CHSY1: variants seen among roughly 807,000 people sequenced by gnomAD.
CHSY1 encodes N-acetylgalactosaminyl-proteoglycan 3-beta-glucuronosyltransferase 1.
Under a neutral mutation model 59.8 loss-of-function variants are expected in CHSY1, and 13 were observed. The ratio of observed to expected loss-of-function variants is 0.22; its 90% CI spans 0.14 to 0.35. The LOEUF is 0.35. Ranked by LOEUF, CHSY1 falls within the 10% of genes least tolerant of loss-of-function variation. CHSY1 has a pLI of 1.00. For missense variants in CHSY1, 947 were observed against 1,030.6 expected, an observed-to-expected ratio of 0.92 and a Z score of 1.11; for synonymous variants, 459 against 401.2, an observed-to-expected ratio of 1.14 and a Z score of -1.72.
intron 1 of CHSY1, among the ~76,000 whole-genome samples, chr15:101,238,937 G>A (rs2038974384): frequency 6.6e-6 from 1 of 152,152 alleles, no homozygotes; most frequent in Non-Finnish European, 1.5e-5. Flanking sequence ...TTGCAAATGC[G>A]ACAATGTGTG....
chr15:101,177,955 C>T lies in CHSY1; in HGVS notation c.1842G>A (p.Leu614=). 6.2e-7 allele frequency: 1 copy of T among 1,614,170 alleles called. No homozygotes were observed. Among genetic ancestry groups the T allele is most frequent in the Non-Finnish European group, 8.5e-7 (1 of 1,180,024 alleles). The change falls in exon 3 of 3, where the codon CTG becomes CTA. Residue 614 remains leucine (L), a synonymous_variant. Coordinates refer to ENST00000254190, the MANE Select transcript of CHSY1 (RefSeq NM_014918.5). ...TGTTAAACTGGGAGGATCCTACTTC[C>T]AGGGCCAGGGCTCTTGAAAACTCTC... is the stretch of plus-strand genomic sequence containing the variant. The part of the protein sequence containing the change: ...VSGEFSRALA[L]EVGSSQFNNE...
chr15:101,212,087 G>A (rs193175432), intron 2 of CHSY1, among the ~76,000 whole-genome samples: 99 of 152,214 alleles, frequency 6.5e-4, no homozygotes, highest in African/African-American at 2.2e-3. Flanking sequence ...TAGGGAAAAC[G>A]CAAACTGAAA....
chr15:101,249,510 A>ATTTTTTTTTT (rs34753057), intron 1 of CHSY1, among the ~76,000 whole-genome samples: 18 of 113,042 alleles, frequency 1.6e-4, no homozygotes, highest in East Asian at 1.5e-3. Context: ...GATAGATAGA[A>ATTTTTTTTTT]TTTTTTTTTT....
rs1596459244 is a variant in CHSY1 at position 101,251,493 on chromosome 15, G to GCCGCCGCCGCCGCCGCCGC, written c.-38_-37insGCGGCGGCGGCGGCGGCGG. ...TCCGCCCGCCGGGCCGCCGCCGCAG[G>GCCGCCGCCGCCGCCGCCGC]CTCCGCGCGCCCTCAGCCCGCTGCC... On this transcript the variant is annotated 5_prime_UTR_variant, in exon 1 of 3. Coordinates refer to ENST00000254190, the MANE Select transcript of CHSY1 (RefSeq NM_014918.5). The GCCGCCGCCGCCGCCGCCGC allele has an allele frequency of 9.7e-4, 47 of 48,420 alleles. No individual in the cohort carries two copies. The highest frequency in any genetic ancestry group is 2.2e-3 in the African/African-American group (4 of 1,802). 3.0% of individuals were successfully genotyped at this position (48,420 alleles called of 1,614,324 possible). A position where few individuals can be genotyped will look rare whatever the true frequency, so the allele number is the denominator to read the frequency against.
chr15:101,216,376 G>C (rs1179197166), intron 2 of CHSY1, among the ~76,000 whole-genome samples: 1 of 152,176 alleles, frequency 6.6e-6, no homozygotes, highest in Non-Finnish European at 1.5e-5. Context: ...ATACAATCCA[G>C]CAGTCATACT....
intron 1 of CHSY1, among the ~76,000 whole-genome samples, chr15:101,243,460 A>G (rs1306809329): frequency 6.6e-6 from 1 of 152,198 alleles, no homozygotes; most frequent in African/African-American, 2.4e-5. Context: ...TTTGCAAATC[A>G]CCGTCTCCCT....
chr15:101,204,857 G>GT (rs1302177962), intron 2 of CHSY1, among the ~76,000 whole-genome samples: 5 of 152,238 alleles, frequency 3.3e-5, no homozygotes, highest in African/African-American at 9.6e-5. Context: ...GTGAGCCAAG[G>GT]TCACACCACA....
intron 2 of CHSY1, among the ~76,000 whole-genome samples, chr15:101,179,654 A>G (rs2038248669): frequency 6.6e-6 from 1 of 152,236 alleles, no homozygotes; most frequent in African/African-American, 2.4e-5. Context: ...CTGTGGAGGC[A>G]GGAGCGGGCC....
chr15:101,181,077 C>T (rs1334453669), intron 2 of CHSY1, among the ~76,000 whole-genome samples: 1 of 152,224 alleles, frequency 6.6e-6, no homozygotes, highest in Non-Finnish European at 1.5e-5. Flanking sequence ...GCTACGGTGC[C>T]TCAGAAGACG....
At chr15:101,214,111 TC>T (rs769831235) in intron 2 of CHSY1, among the ~76,000 whole-genome samples, 13 of 152,118 alleles carry the variant, frequency 8.5e-5, no homozygotes, top group Non-Finnish European at 1.8e-4. Flanking sequence ...TTGTGCAGAG[TC>T]CCCATTGCAC....
chr15:101,204,860 A>G (rs1596441038), intron 2 of CHSY1, among the ~76,000 whole-genome samples: 1 of 152,320 alleles, frequency 6.6e-6, no homozygotes, highest in African/African-American at 2.4e-5. Flanking sequence ...AGCCAAGGTC[A>G]CACCACAGCA....
chr15:101,213,268 T>C (rs1308454027), intron 2 of CHSY1, among the ~76,000 whole-genome samples: 2 of 148,196 alleles, frequency 1.3e-5, no homozygotes, highest in Middle Eastern at 3.4e-3. Flanking sequence ...GAGGACTTCA[T>C]TGTGCTACAG....
At chr15:101,211,665 T>C (rs183300731) in intron 2 of CHSY1, among the ~76,000 whole-genome samples, 1 of 152,174 alleles carries the variant, frequency 6.6e-6, no homozygotes, top group Admixed American at 6.5e-5. Context: ...CACATCATAA[T>C]AGGACTACTC....
intron 2 of CHSY1, among the ~76,000 whole-genome samples, chr15:101,183,733 G>T (rs1237547313): frequency 2.0e-5 from 3 of 152,210 alleles, no homozygotes; most frequent in African/African-American, 7.2e-5. Context: ...GGGAGGGTGT[G>T]GGTGCCCACT....
Position 101,251,479 on chromosome 15 carries a change from G to GGCCGCCGCCGCCTCCGCCGCC in CHSY1, c.-24_-23insGGCGGCGGAGGCGGCGGCGGC, listed in dbSNP as rs71154314. On this transcript the variant is annotated 5_prime_UTR_variant, in exon 1 of 3. Coordinates refer to ENST00000254190, the MANE Select transcript of CHSY1 (RefSeq NM_014918.5). ...CATGCCCGCGCCGCTCCGCCCGCCGGGCCGCCGCCGCAGGCTCCGCGCGCC... is the reference window on the plus strand; with the variant it reads ...CATGCCCGCGCCGCTCCGCCCGCCGGGCCGCCGCCGCCTCCGCCGCCGCCGCCGCCGCAGGCTCCGCGCGCC... 1 of 670,080 alleles carries GGCCGCCGCCGCCTCCGCCGCC rather than the reference G, an allele frequency of 1.5e-6. No individual in the cohort carries two copies. The highest frequency in any genetic ancestry group is 1.8e-6 in the Non-Finnish European group (1 of 546,640). The allele number at this position is 670,080 out of a possible 1,614,324, so 41.5% of individuals were successfully genotyped here. A position where few individuals can be genotyped will look rare whatever the true frequency, so the allele number is the denominator to read the frequency against.
intron 2 of CHSY1, among the ~76,000 whole-genome samples, chr15:101,185,183 G>T (rs1047231685): frequency 6.6e-6 from 1 of 152,206 alleles, no homozygotes; most frequent in African/African-American, 2.4e-5. Context: ...GAGATGGAGA[G>T]GCAGAAATCA....
At chr15:101,179,086 G>T in intron 2 of CHSY1, 106 bp from the exon 3 acceptor site, 1 of 1,100,920 alleles carries the variant, frequency 9.1e-7, no homozygotes. Context: ...ATGGACCACA[G>T]CACACAAAAG....
Position 101,176,144 on chromosome 15 carries a change from C to A in CHSY1, c.*1244G>T, listed in dbSNP as rs2038184852. On this transcript the variant is annotated 3_prime_UTR_variant, in exon 3 of 3. Coordinates refer to ENST00000254190, the MANE Select transcript of CHSY1 (RefSeq NM_014918.5). ...GGAGATCGGTTTACTGCAAATAAAA[C>A]AGACTAAACACACTCCCGATACACA... 5.0e-6 allele frequency: 2 copies of A among 397,808 alleles called. No homozygotes were observed. Among genetic ancestry groups the A allele is most frequent in the Admixed American group, 8.8e-5 (2 of 22,720 alleles). 24.6% of individuals were successfully genotyped at this position (397,808 alleles called of 1,614,324 possible). A position where few individuals can be genotyped will look rare whatever the true frequency, so the allele number is the denominator to read the frequency against.
chr15:101,206,293 C>T (rs970687082), intron 2 of CHSY1, among the ~76,000 whole-genome samples: 3 of 152,086 alleles, frequency 2.0e-5, no homozygotes, highest in African/African-American at 4.8e-5. Context: ...CACCAGGTCT[C>T]GAGTCGGCAG....
Sources: gnomAD v4.1 joint callset for allele counts (sites outside exome capture counted in the v4.1 genomes callset) on GRCh38, gnomAD v4.1.1 for gene constraint, MANE v1.5 for transcripts, NCBI Gene and HGNC (gene_info 2026-07-23, HGNC 2026-07-21) for gene names.